The following ATP2A2 variants were observed in gnomAD, a reference collection of about 807,000 sequenced individuals.
The protein encoded by ATP2A2 is ATPase sarcoplasmic/endoplasmic reticulum Ca2+ transporting 2.
In ATP2A2, 14 loss-of-function variants were observed where a neutral mutation model predicts 109.3. That is an observed-to-expected ratio of 0.13 (90% CI 0.08 to 0.20). The LOEUF (loss-of-function observed/expected upper bound fraction) is 0.20, where lower values mean the gene tolerates loss of function less well. Among genes scored for constraint, ATP2A2 ranks in the 10% least tolerant of loss-of-function variants. The pLI is 1.00. For missense variants in ATP2A2, 657 were observed against 1,321.6 expected (o/e 0.50, Z 7.80); for synonymous variants, 506 against 490.9 (o/e 1.03, Z -0.41).
intron 6 of ATP2A2, among the ~76,000 whole-genome samples, chr12:110,323,782 ACT>A (rs549123998): frequency 1.3e-5 from 2 of 152,130 alleles, no homozygotes; most frequent in Admixed American, 6.5e-5. Flanking sequence ...ACAGAGCAAG[ACT>A]CTGTCTCCAA....
chr12:110,289,466 T>C (rs1329959026), intron 3 of ATP2A2, among the ~76,000 whole-genome samples: 1 of 152,216 alleles, frequency 6.6e-6, no homozygotes, highest in Non-Finnish European at 1.5e-5. Context: ...GTAACATTTA[T>C]TATACTCATT....
chr12:110,331,060 A>G (rs1878283861), intron 8 of ATP2A2: 1 of 152,030 alleles, frequency 6.6e-6, no homozygotes, highest in African/African-American at 2.4e-5. Flanking sequence ...CCTGACTAAC[A>G]TGGTGAAACC....
At chr12:110,281,079 AG>A (rs1196103420), upstream of ATP2A2, 1 of 150,044 alleles carries the variant, frequency 6.7e-6, no homozygotes, top group Non-Finnish European at 1.5e-5. Context: ...GGCGCGCGGG[AG>A]GGGGCGGGGC....
intron 5 of ATP2A2, among the ~76,000 whole-genome samples, chr12:110,297,345 A>G (rs1874067466): frequency 6.6e-6 from 1 of 151,532 alleles, no homozygotes; most frequent in African/African-American, 2.4e-5. Context: ...TGCAGCAGGA[A>G]GAATCGCTTG....
intron 1 of ATP2A2, among the ~76,000 whole-genome samples, 168 bp from the exon 2 acceptor site, chr12:110,282,435 CT>C (rs2137673037): frequency 6.6e-6 from 1 of 152,228 alleles, no homozygotes; most frequent in East Asian, 1.9e-4. Context: ...GTGGTATGCC[CT>C]CTGCTAAAAA....
chr12:110,298,101 T>A (rs1371158526), intron 5 of ATP2A2, among the ~76,000 whole-genome samples: 2 of 152,220 alleles, frequency 1.3e-5, no homozygotes, highest in Non-Finnish European at 2.9e-5. Context: ...AGTAATATGC[T>A]TTTATATTGA....
In ATP2A2 at chr12:110,347,092, G is replaced by T. The variant is rs1592870916; in HGVS notation, c.*622G>T. The T allele has an allele frequency of 6.3e-6, 7 of 1,103,342 alleles. No homozygotes were observed. In the East Asian group the frequency reaches 2.1e-4, roughly 33 times the overall value. 68.3% of individuals were successfully genotyped at this position (1,103,342 alleles called of 1,614,324 possible). On this transcript the variant is annotated 3_prime_UTR_variant, in exon 20 of 20. Transcript: ENST00000539276. ...TTCTTCTTTAGGATTGTGATGGTTC[G>T]TTCTGTTTACATCAGTTTTAACGAG... is the stretch of plus-strand genomic sequence containing the variant.
chr12:110,297,169 GT>G (rs1249626349), intron 5 of ATP2A2, among the ~76,000 whole-genome samples: 2 of 152,104 alleles, frequency 1.3e-5, no homozygotes, highest in Non-Finnish European at 2.9e-5. Flanking sequence ...GCCAGGCTTG[GT>G]AGCTCACGCC....
intron 5 of ATP2A2, among the ~76,000 whole-genome samples, chr12:110,315,161 C>T (rs141715902): frequency 0.017 from 2,637 of 152,202 alleles, 32 homozygotes; most frequent in Non-Finnish European, 0.028. Context: ...CCATCGCGCC[C>T]GGCAATATAC....
In ATP2A2 at chr12:110,339,750, C is replaced by T; in HGVS notation, c.1761+29C>T. 1 of 1,600,178 alleles carries T rather than the reference C, an allele frequency of 6.2e-7. No individual in the cohort carries two copies. The highest frequency in any genetic ancestry group is 8.6e-7 in the Non-Finnish European group (1 of 1,168,218). ...AGCTAATGAAAAGTTTCTTTGTCCACACCCTGCACGATTCATTGTGTTTAA... is the reference window on the plus strand; with the variant it reads ...AGCTAATGAAAAGTTTCTTTGTCCATACCCTGCACGATTCATTGTGTTTAA... On this transcript the variant is annotated intron_variant, in intron 13 of 19. Coordinates refer to ENST00000539276, the MANE Select transcript of ATP2A2 (RefSeq NM_170665.4). This position sits in a 1 kb window ranked among gnomAD's most constrained non-coding sequence, Gnocchi z 4.4.
Position 110,346,379 on chromosome 12 carries a change from G to A in ATP2A2, c.3038G>A (p.Gly1013Glu), listed in dbSNP as rs1337905676. 2.5e-6 allele frequency: 4 copies of A among 1,614,070 alleles called. No individual in the cohort carries two copies. The highest frequency in any genetic ancestry group is 1.3e-5 in the African/African-American group (1 of 74,918). Residue 1013 changes from glycine to glutamate, a missense_variant, in exon 20 of 20, where the codon GGG (glycine) becomes GAG (glutamate). Transcript: ENST00000539276. ...TGCTCGTTCTCGGCATGCACCGATG[G>A]GATTTCCTGGCCGTTTGTGCTGCTC... The part of the protein sequence containing the change: ...KSCSFSACTD[G>E]ISWPFVLLIM...
At position 110,339,860 on chromosome 12, in the gene ATP2A2, T is replaced by C; in HGVS notation, c.1761+139T>C. 1 of 880,582 alleles carries C rather than the reference T, an allele frequency of 1.1e-6. No individual in the cohort carries two copies. Among genetic ancestry groups the C allele is most frequent in the Non-Finnish European group, 1.8e-6 (1 of 557,672 alleles). The allele number at this position is 880,582 out of a possible 1,614,324, so 54.5% of individuals were successfully genotyped here. ...GTTATTTGTTTTTCTGCCTGCCAGC[T>C]GTGTCACCCTTAAAATTTGCTGCTT... On this transcript the variant is annotated intron_variant, in intron 13 of 19. Transcript: ENST00000539276. The surrounding 1 kb of genome is among the most constrained non-coding windows in gnomAD (Gnocchi z 4.4).
At chr12:110,341,172 A>G (rs1879317613) in intron 14 of ATP2A2, among the ~76,000 whole-genome samples, 178 bp downstream of exon 14, 1 of 152,206 alleles carries the variant, frequency 6.6e-6, no homozygotes, top group Non-Finnish European at 1.5e-5. Context: ...CTTGCAGGGA[A>G]GATCCTAGAG....
intron 5 of ATP2A2, among the ~76,000 whole-genome samples, chr12:110,315,075 C>G (rs1051104458): frequency 2.6e-5 from 4 of 152,074 alleles, no homozygotes; most frequent in African/African-American, 9.7e-5. Context: ...ACCATGTTAG[C>G]CAGGATGATC....
At position 110,349,720 on chromosome 12, in the gene ATP2A2, C is replaced by T. The variant is rs959778692; in HGVS notation, c.*3250C>T. On this transcript the variant is annotated 3_prime_UTR_variant, in exon 20 of 20. Transcript: ENST00000539276. ...CCAGAGCATACCACGTCTGCAGTGCCTGTGAGCAGAGCCAGCAGTTGCCCT... is the reference window on the plus strand; with the variant it reads ...CCAGAGCATACCACGTCTGCAGTGCTTGTGAGCAGAGCCAGCAGTTGCCCT... The T allele has an allele frequency of 1.8e-4, 183 of 1,010,198 alleles. No homozygotes were observed. Among genetic ancestry groups the T allele is most frequent in the Non-Finnish European group, 2.2e-4 (182 of 843,654 alleles). 62.6% of individuals were successfully genotyped at this position (1,010,198 alleles called of 1,614,324 possible).
At chr12:110,307,345 C>G (rs142825385) in intron 5 of ATP2A2, among the ~76,000 whole-genome samples, 1 of 151,816 alleles carries the variant, frequency 6.6e-6, no homozygotes. Context: ...ACCCTCCCAC[C>G]TGAGCCTTCC....
At chr12:110,309,043 G>C (rs1421660906) in intron 5 of ATP2A2, among the ~76,000 whole-genome samples, 1 of 148,790 alleles carries the variant, frequency 6.7e-6, no homozygotes, top group Non-Finnish European at 1.5e-5. Flanking sequence ...GCTTTTGGAA[G>C]ATATCTGGTA....
In ATP2A2 at chr12:110,347,264, T is replaced by C. The variant is rs957956422; in HGVS notation, c.*794T>C. The stretch of plus-strand genomic sequence containing the variant: ...GACATTGTTTTGCCAACATTGCCTA[T>C]TTCAGTGGCACGTCATCTAGTTTTA... On this transcript the variant is annotated 3_prime_UTR_variant, in exon 20 of 20. Coordinates refer to ENST00000539276, the MANE Select transcript of ATP2A2 (RefSeq NM_170665.4). 2.7e-5 allele frequency: 33 copies of C among 1,241,340 alleles called. No homozygotes were observed. The highest frequency in any genetic ancestry group is 5.3e-5 in the Admixed American group (2 of 37,624). 76.9% of individuals were successfully genotyped at this position (1,241,340 alleles called of 1,614,324 possible).
intron 1 of ATP2A2, 75 bp downstream of exon 1, chr12:110,281,982 C>T (rs1872145254): frequency 8.0e-7 from 1 of 1,256,716 alleles, no homozygotes; most frequent in Non-Finnish European, 1.1e-6. Flanking sequence ...CCGGGCTCCA[C>T]CTCGTGGGCT....
Sources: allele counts gnomAD v4.1 joint callset (sites outside exome capture counted in the v4.1 genomes callset), GRCh38; gene constraint gnomAD v4.1.1; non-coding constraint Gnocchi (gnomAD v3.1); transcripts MANE v1.5; gene names NCBI Gene and HGNC (gene_info 2026-07-23, HGNC 2026-07-21).